The following RNF217 variants were observed in gnomAD, a reference collection of about 807,000 sequenced individuals.
The protein encoded by RNF217 is ring finger protein 217, also known as E3 ubiquitin-protein ligase RNF217.
In RNF217, 31 loss-of-function variants were observed where a neutral mutation model predicts 57.8. That is an observed-to-expected ratio of 0.54 (90% confidence interval 0.40 to 0.72). The LOEUF (loss-of-function observed/expected upper bound fraction) is 0.72. Among genes scored for constraint, RNF217 ranks in the 30% least tolerant of loss-of-function variants. The pLI is 0.00. For synonymous variants in RNF217, 313 were observed against 294.0 expected, an observed-to-expected ratio of 1.06 and a Z score of -0.66; for missense variants, 696 against 708.3, an observed-to-expected ratio of 0.98 and a Z score of 0.20.
intron 1 of RNF217, among the ~76,000 whole-genome samples, chr6:124,999,734 A>G (rs1321043892): frequency 6.6e-6 from 1 of 152,184 alleles, no homozygotes; most frequent in African/African-American, 2.4e-5. Flanking sequence ...TGTTCAGACA[A>G]CCTTTAAAGG....
At chr6:124,998,521 C>T (rs934500989) in intron 1 of RNF217, among the ~76,000 whole-genome samples, 1 of 152,048 alleles carries the variant, frequency 6.6e-6, no homozygotes, top group Non-Finnish European at 1.5e-5. Context: ...TGTAGAAGGC[C>T]AGGTGCCGTG....
intron 2 of RNF217, among the ~76,000 whole-genome samples, chr6:125,054,414 C>G (rs11969178): frequency 0.03 from 4,556 of 152,236 alleles, 228 homozygotes; most frequent in African/African-American, 0.1. Context: ...GACACAAGCT[C>G]TGGTAGTGTG....
chr6:124,969,482 C>T (rs1344603481), intron 1 of RNF217, among the ~76,000 whole-genome samples: 2 of 152,078 alleles, frequency 1.3e-5, no homozygotes, highest in African/African-American at 4.8e-5. Context: ...TAGTTTATAT[C>T]GTTCTCTATC....
intron 1 of RNF217, among the ~76,000 whole-genome samples, chr6:124,999,532 T>C (rs888104742): frequency 1.2e-4 from 19 of 152,176 alleles, no homozygotes; most frequent in African/African-American, 4.3e-4. Context: ...GAAAATGCAC[T>C]GTACTTTAGG....
intron 1 of RNF217, among the ~76,000 whole-genome samples, chr6:125,035,015 T>C (rs541844134): frequency 0.027 from 4,176 of 151,958 alleles, 213 homozygotes; most frequent in African/African-American, 0.097. Context: ...TATTGGTGTA[T>C]AAGAATGCTT....
intron 2 of RNF217, among the ~76,000 whole-genome samples, chr6:125,055,572 A>G (rs1428517742): frequency 1.6e-4 from 25 of 152,182 alleles, no homozygotes; most frequent in African/African-American, 7.2e-5. Context: ...CATTCATTCT[A>G]ATATTTCATA....
intron 1 of RNF217, 30 bp downstream of exon 1, chr6:124,963,456 A>G: frequency 7.0e-7 from 1 of 1,435,684 alleles, no homozygotes; most frequent in Non-Finnish European, 9.1e-7. Flanking sequence ...TTCCCCATTT[A>G]TCATTCCAAA....
At chr6:124,992,115 A>G (rs1784582859) in intron 1 of RNF217, among the ~76,000 whole-genome samples, 1 of 152,164 alleles carries the variant, frequency 6.6e-6, no homozygotes, top group South Asian at 2.1e-4. Context: ...TTTACAATTC[A>G]AACAAGCTAC....
intron 2 of RNF217, among the ~76,000 whole-genome samples, chr6:125,050,260 G>T (rs201052779): frequency 1.3e-5 from 2 of 151,912 alleles, no homozygotes; most frequent in African/African-American, 2.4e-5. Context: ...TAGAGAACAC[G>T]TTAGAGGTAA....
At chr6:125,011,067 TATG>T (rs1223091872) in intron 1 of RNF217, among the ~76,000 whole-genome samples, 1 of 152,086 alleles carries the variant, frequency 6.6e-6, no homozygotes, top group African/African-American at 2.4e-5. Flanking sequence ...TTGAAGGTAG[TATG>T]GTGGTGGTAT....
At chr6:125,081,863 C>G (rs476080) in intron 5 of RNF217, among the ~76,000 whole-genome samples, 1 of 151,994 alleles carries the variant, frequency 6.6e-6, no homozygotes, top group Admixed American at 6.6e-5. Context: ...GGAAAAGAAG[C>G]TCTGCACCTT....
intron 1 of RNF217, among the ~76,000 whole-genome samples, chr6:124,989,474 T>C (rs1160589755): frequency 1.3e-5 from 2 of 152,196 alleles, no homozygotes; most frequent in Non-Finnish European, 2.9e-5. Context: ...TAACTGTCAC[T>C]GTGATTCATA....
intron 2 of RNF217, among the ~76,000 whole-genome samples, chr6:125,056,474 T>C (rs1787527345): frequency 6.6e-6 from 1 of 152,200 alleles, no homozygotes; most frequent in African/African-American, 2.4e-5. Flanking sequence ...ATAAAGTTAA[T>C]AACAAAAGTA....
At chr6:125,030,347 T>A (rs143621967) in intron 1 of RNF217, among the ~76,000 whole-genome samples, 208 of 152,130 alleles carry the variant, frequency 1.4e-3, no homozygotes, top group African/African-American at 4.6e-3. Flanking sequence ...TCCCCCAAAG[T>A]CTTAACTCAT....
chr6:125,037,336 C>T (rs1013420899), intron 1 of RNF217, among the ~76,000 whole-genome samples: 1 of 152,116 alleles, frequency 6.6e-6, no homozygotes, highest in Admixed American at 6.5e-5. Context: ...CAACAAACTA[C>T]CAGCAAGGCA....
intron 1 of RNF217, among the ~76,000 whole-genome samples, chr6:124,985,209 T>C (rs1784329563): frequency 6.6e-6 from 1 of 152,210 alleles, no homozygotes; most frequent in African/African-American, 2.4e-5. Context: ...ACACTGTTTG[T>C]TCCCAGAAAA....
chr6:125,007,654 T>C lies in RNF217; in HGVS notation c.883-37557T>C, dbSNP rs574918002. Among the ~76,000 whole-genome samples the C allele has an allele frequency of 8.5e-5, 13 of 152,326 alleles. No homozygotes were observed. The South Asian group carries it at 2.3e-3, about 27-fold the overall frequency. ...TTTTGTTTGTGGTGACTAATGCTTC[T>C]AACATGTTTTCTTGTTCTTAACTGT... On this transcript the variant is annotated intron_variant, in intron 1 of 5. Coordinates refer to ENST00000521654, the MANE Select transcript of RNF217 (RefSeq NM_001286398.3).
intron 1 of RNF217, among the ~76,000 whole-genome samples, chr6:124,972,326 A>G (rs1395823484): frequency 2.6e-5 from 4 of 151,724 alleles, no homozygotes; most frequent in South Asian, 2.1e-4. Flanking sequence ...GGCCTCTACC[A>G]TTTCTCTCCT....
intron 1 of RNF217, among the ~76,000 whole-genome samples, chr6:125,038,261 AT>A (rs1190175991): frequency 6.6e-6 from 1 of 152,156 alleles, no homozygotes; most frequent in Non-Finnish European, 1.5e-5. Context: ...GAGCAGCAAA[AT>A]ATCTTTAAGT....
Sources: allele counts gnomAD v4.1 joint callset (sites outside exome capture counted in the v4.1 genomes callset), GRCh38; gene constraint gnomAD v4.1.1; transcripts MANE v1.5; gene names NCBI Gene and HGNC (gene_info 2026-07-23, HGNC 2026-07-21).